SEZ6L: variants seen among roughly 807,000 people sequenced by gnomAD.
The protein encoded by SEZ6L is seizure 6-like protein.
A neutral mutation model predicts 106.2 loss-of-function variants in SEZ6L; 37 were observed. The observed-to-expected ratio is 0.35, with a 90% CI of 0.27 to 0.46. The LOEUF is 0.46. SEZ6L is among the 20% of genes least tolerant of loss of function. The pLI is 1.00. For synonymous variants in SEZ6L, 541 were observed against 570.4 expected, an observed-to-expected ratio of 0.95 and a Z score of 0.73; for missense variants, 1,172 against 1,332.8, an observed-to-expected ratio of 0.88 and a Z score of 1.88.
In SEZ6L at chr22:26,306,089, G is replaced by T; in HGVS notation, c.1459G>T (p.Glu487Ter). 6.2e-7 allele frequency: 1 copy of T among 1,614,178 alleles called. No homozygotes were observed. The highest frequency in any genetic ancestry group is 8.5e-7 in the Non-Finnish European group (1 of 1,180,030). Residue 487 changes from glutamate to a stop codon, truncating the protein, a stop_gained, in exon 6 of 17, where the codon GAG becomes TAG. Transcript: ENST00000248933. LOFTEE classifies it high-confidence loss of function. ...CTGCATCTGGACGATTGAAGCTCCA[G>T]AGGGCCAGAAGCTGCACCTGCACTT... ...QFCIWTIEAP[E>*]GQKLHLHFER...
intron 1 of SEZ6L, among the ~76,000 whole-genome samples, chr22:26,272,160 C>T (rs181626096): frequency 6.6e-6 from 1 of 152,274 alleles, no homozygotes; most frequent in Admixed American, 6.5e-5. Context: ...ATACAGGTTA[C>T]CCTTGAAGAG....
At chr22:26,332,650 A>T (rs1279508324) in intron 9 of SEZ6L, among the ~76,000 whole-genome samples, 9 of 151,982 alleles carry the variant, frequency 5.9e-5, no homozygotes, top group Admixed American at 5.9e-4. Flanking sequence ...GTTTCACTAT[A>T]TTGCCCAGGC....
chr22:26,339,182 T>C (rs983967215), intron 9 of SEZ6L, among the ~76,000 whole-genome samples: 1 of 152,052 alleles, frequency 6.6e-6, no homozygotes, highest in Non-Finnish European at 1.5e-5. Flanking sequence ...CAAATCTAAA[T>C]AGATCACTAC....
chr22:26,332,445 C>G (rs2082515134), intron 9 of SEZ6L, among the ~76,000 whole-genome samples: 2 of 141,280 alleles, frequency 1.4e-5, no homozygotes, highest in African/African-American at 5.0e-5. Context: ...CCACTGCACC[C>G]AGTCCAGATT....
At chr22:26,187,687 T>C (rs1231911687) in intron 1 of SEZ6L, among the ~76,000 whole-genome samples, 1 of 152,036 alleles carries the variant, frequency 6.6e-6, no homozygotes, top group Non-Finnish European at 1.5e-5. Flanking sequence ...TTTGGGCAAA[T>C]GATGATTAAA....
intron 13 of SEZ6L, among the ~76,000 whole-genome samples, chr22:26,369,573 C>T (rs2083952430): frequency 6.6e-6 from 1 of 151,604 alleles, no homozygotes; most frequent in African/African-American, 2.4e-5. Context: ...ATCTCCTGAC[C>T]TCGTGATTCG....
chr22:26,308,082 G>A (rs1433810980), intron 6 of SEZ6L, among the ~76,000 whole-genome samples: 1 of 152,188 alleles, frequency 6.6e-6, no homozygotes, highest in Admixed American at 6.5e-5. Context: ...TCTGGGCCAA[G>A]AAGAAAAGAG....
At chr22:26,275,191 CT>C (rs756976982) in intron 1 of SEZ6L, among the ~76,000 whole-genome samples, 3 of 152,020 alleles carry the variant, frequency 2.0e-5, no homozygotes, top group African/African-American at 4.8e-5. Context: ...GATGGTTTGA[CT>C]TTTTTTTATT....
intron 1 of SEZ6L, among the ~76,000 whole-genome samples, chr22:26,277,319 C>A (rs2080581479): frequency 6.6e-6 from 1 of 152,120 alleles, no homozygotes; most frequent in Non-Finnish European, 1.5e-5. Context: ...TGCTACAAGT[C>A]CCCCAAAGGC....
At chr22:26,215,718 T>C (rs1419358284) in intron 1 of SEZ6L, among the ~76,000 whole-genome samples, 1 of 152,216 alleles carries the variant, frequency 6.6e-6, no homozygotes. Flanking sequence ...CTGAAGGTTG[T>C]GCCCCCAGCC....
intron 10 of SEZ6L, among the ~76,000 whole-genome samples, chr22:26,342,231 GC>G (rs2082859176): frequency 6.6e-6 from 1 of 152,178 alleles, no homozygotes; most frequent in Admixed American, 6.5e-5. Context: ...TAGGAAACGT[GC>G]TTGCACTTCC....
chr22:26,176,490 C>T (rs1939014995), intron 1 of SEZ6L, among the ~76,000 whole-genome samples: 3 of 152,298 alleles, frequency 2.0e-5, no homozygotes, highest in Admixed American at 1.3e-4. Context: ...ATGGCTTGTG[C>T]GTGAGCCTTA....
rs2081377290 is a variant in SEZ6L, at chr22:26,299,053, C to T, written c.1232C>T (p.Ser411Leu). ...GATGTCACGGTGATGGACCTGCACT[C>T]AGGTGGGGTGGCCCACTTTCACTGC... ...SGDVTVMDLH[S>L]GGVAHFHCHL... Residue 411 changes from serine to leucine, a missense_variant, in exon 5 of 17, where the codon TCA (serine) becomes TTA (leucine). Transcript: ENST00000248933. The T allele has an allele frequency of 6.2e-7, 1 of 1,608,186 alleles. No homozygotes were observed. The highest frequency in any genetic ancestry group is 8.5e-7 in the Non-Finnish European group (1 of 1,177,458).
chr22:26,366,584 TGTA>T (rs1376308741), intron 13 of SEZ6L, among the ~76,000 whole-genome samples: 2 of 151,950 alleles, frequency 1.3e-5, no homozygotes, highest in East Asian at 1.9e-4. Flanking sequence ...GACGTGTGCC[TGTA>T]GTCCCAGCTA....
At chr22:26,320,365 A>AG (rs1211206820) in intron 9 of SEZ6L, among the ~76,000 whole-genome samples, 11 of 152,226 alleles carry the variant, frequency 7.2e-5, no homozygotes, top group East Asian at 1.9e-4. Context: ...GGGGCCAATA[A>AG]GGGGGGGCAT....
intron 12 of SEZ6L, among the ~76,000 whole-genome samples, chr22:26,361,348 AC>A (rs201908444): frequency 2.0e-5 from 3 of 149,076 alleles, no homozygotes; most frequent in Non-Finnish European, 3.0e-5. Flanking sequence ...AAATACAAAA[AC>A]AAAAAAAATC....
At chr22:26,192,110 A>C (rs1016835426) in intron 1 of SEZ6L, among the ~76,000 whole-genome samples, 5 of 152,214 alleles carry the variant, frequency 3.3e-5, no homozygotes, top group South Asian at 4.2e-4. Context: ...CCGTCCATTC[A>C]TCCTTTCATC....
At chr22:26,180,263 C>T (rs558652527) in intron 1 of SEZ6L, among the ~76,000 whole-genome samples, 1 of 152,166 alleles carries the variant, frequency 6.6e-6, no homozygotes, top group African/African-American at 2.4e-5. Flanking sequence ...GCTCTGCAAC[C>T]CTTTTGCCAG....
intron 2 of SEZ6L, among the ~76,000 whole-genome samples, chr22:26,293,974 C>T (rs948540377): frequency 2.0e-5 from 3 of 152,162 alleles, no homozygotes; most frequent in Non-Finnish European, 4.4e-5. Context: ...GCTGTTTGAG[C>T]TCGGCCCCTC....
Sources: allele counts gnomAD v4.1 joint callset (sites outside exome capture counted in the v4.1 genomes callset), GRCh38; gene constraint gnomAD v4.1.1; transcripts MANE v1.5; gene names NCBI Gene and HGNC (gene_info 2026-07-23, HGNC 2026-07-21).